UBE2L3: variants seen among roughly 807,000 people sequenced by gnomAD.
UBE2L3 encodes ubiquitin-conjugating enzyme E2 L3.
In UBE2L3, 1 loss-of-function variant was observed where a neutral mutation model predicts 17.8. The ratio of observed to expected loss-of-function variants is 0.06; its 90% CI spans 0.02 to 0.27. The LOEUF (loss-of-function observed/expected upper bound fraction) is 0.27, where lower values mean the gene tolerates loss of function less well. UBE2L3 is among the 10% of genes least tolerant of loss of function. UBE2L3 has a pLI of 1.00. For synonymous variants in UBE2L3, 44 were observed against 68.5 expected (o/e 0.64, Z 1.76); for missense variants, 40 against 192.6 (o/e 0.21, Z 4.69).
chr22:21,606,756 G>T (rs1189690107), intron 2 of UBE2L3, among the ~76,000 whole-genome samples: 2 of 152,126 alleles, frequency 1.3e-5, no homozygotes, highest in Non-Finnish European at 2.9e-5. Flanking sequence ...GGCTGAGGTG[G>T]GAGGATTGCT....
intron 1 of UBE2L3, among the ~76,000 whole-genome samples, chr22:21,575,054 C>T (rs1376082646): frequency 4.6e-5 from 7 of 150,558 alleles, no homozygotes; most frequent in Admixed American, 6.6e-5. Flanking sequence ...GTCAGGAGTT[C>T]GAGACCAGCC....
At chr22:21,596,116 A>G (rs4821104) in intron 2 of UBE2L3, among the ~76,000 whole-genome samples, 29,346 of 152,056 alleles carry the variant, frequency 0.19, 3,541 homozygotes, top group East Asian at 0.42. Context: ...CACCCTCCTC[A>G]GTCTCCCAAA....
chr22:21,567,960 G>A, intron 1 of UBE2L3, 189 bp downstream of exon 1: 4 of 1,380,678 alleles, frequency 2.9e-6, no homozygotes, highest in Non-Finnish European at 3.7e-6. Context: ...CTGGGCGGGA[G>A]CGCAAGGCCG....
chr22:21,589,474 C>G (rs1385439120), intron 1 of UBE2L3, among the ~76,000 whole-genome samples: 1 of 152,202 alleles, frequency 6.6e-6, no homozygotes, highest in Non-Finnish European at 1.5e-5. Flanking sequence ...TAAATAGTTT[C>G]TGTCCACAGG....
intron 3 of UBE2L3, among the ~76,000 whole-genome samples, chr22:21,615,154 T>TCAAAA (rs1007992730): frequency 2.0e-5 from 3 of 151,104 alleles, no homozygotes; most frequent in Non-Finnish European, 3.0e-5. Context: ...AAACTCCGTC[T>TCAAAA]CAAAACAAAA....
At chr22:21,561,472 C>T (rs1382912509) in intron 1 of UBE2L3, among the ~76,000 whole-genome samples, 10 of 152,402 alleles carry the variant, frequency 6.6e-5, no homozygotes, top group Middle Eastern at 3.4e-3. Flanking sequence ...GTTCTAGCTG[C>T]TTGAGAGTCT....
intron 1 of UBE2L3, among the ~76,000 whole-genome samples, chr22:21,580,078 A>G (rs961601975): frequency 7.9e-5 from 12 of 152,222 alleles, no homozygotes; most frequent in South Asian, 4.1e-4. Flanking sequence ...ATATTGGTCA[A>G]TACTATTCCA....
upstream of UBE2L3, among the ~76,000 whole-genome samples, chr22:21,562,721 G>T (rs1926488817): frequency 3.0e-5 from 4 of 135,544 alleles, no homozygotes; most frequent in African/African-American, 1.1e-4. Context: ...CTTTCCCCGT[G>T]TTCTCAATCT....
chr22:21,601,861 A>G (rs543746170), intron 2 of UBE2L3, among the ~76,000 whole-genome samples: 5 of 150,806 alleles, frequency 3.3e-5, no homozygotes, highest in African/African-American at 9.7e-5. Flanking sequence ...AGTCCCAGCT[A>G]CTCTGGAGGT....
chr22:21,560,613 G>A (rs1469534154), intron 1 of UBE2L3, among the ~76,000 whole-genome samples: 1 of 150,566 alleles, frequency 6.6e-6, no homozygotes, highest in East Asian at 1.9e-4. Flanking sequence ...ACCACGCCTG[G>A]CTAGTTTTTG....
At chr22:21,558,656 A>ATTTT (rs131646) in intron 1 of UBE2L3, among the ~76,000 whole-genome samples, 1 of 146,548 alleles carries the variant, frequency 6.8e-6, no homozygotes, top group East Asian at 2.1e-4. Flanking sequence ...AAAACACTTA[A>ATTTT]TTTTTTTTTT....
At chr22:21,555,452 G>A (rs1170025484) in intron 1 of UBE2L3, 18 of 152,638 alleles carry the variant, frequency 1.2e-4, no homozygotes, top group African/African-American at 3.9e-4. Context: ...GTGAAAACCC[G>A]TCTCTACTAA....
At chr22:21,589,349 A>G (rs896851053) in intron 1 of UBE2L3, among the ~76,000 whole-genome samples, 2 of 149,998 alleles carry the variant, frequency 1.3e-5, no homozygotes, top group South Asian at 4.2e-4. Flanking sequence ...GGGTTTCACC[A>G]TGTTAGCCAG....
chr22:21,577,993 G>C (rs774210077), intron 1 of UBE2L3, among the ~76,000 whole-genome samples: 3 of 152,108 alleles, frequency 2.0e-5, no homozygotes, highest in Non-Finnish European at 4.4e-5. Flanking sequence ...GTAACTCAGA[G>C]GTTGAATAGC....
chr22:21,621,806 A>C lies in UBE2L3; in HGVS notation c.*137A>C. 1 of 645,108 alleles carries C rather than the reference A, an allele frequency of 1.6e-6. No individual in the cohort carries two copies. The highest frequency in any genetic ancestry group is 2.6e-6 in the Non-Finnish European group (1 of 383,202). The allele number at this position is 645,108 out of a possible 1,614,324, so 40.0% of individuals were successfully genotyped here. On this transcript the variant is annotated 3_prime_UTR_variant, in exon 4 of 4. Coordinates refer to ENST00000342192, the MANE Select transcript of UBE2L3 (RefSeq NM_003347.4). ...CGCTTGTGGCAGTTACTAACTTTCT[A>C]CAGTTTTCTTAATCAAAAGTGGTCT...
chr22:21,563,501 G>A (rs1226535316), upstream of UBE2L3, among the ~76,000 whole-genome samples: 1 of 147,520 alleles, frequency 6.8e-6, no homozygotes, highest in Admixed American at 6.7e-5. Context: ...GGCGGAGGTT[G>A]CAGTGAGCCG....
chr22:21,617,263 T>C (rs929415374), intron 3 of UBE2L3, among the ~76,000 whole-genome samples: 1 of 151,894 alleles, frequency 6.6e-6, no homozygotes, highest in Non-Finnish European at 1.5e-5. Context: ...TGTGGGTTTT[T>C]TGTTTTTTGT....
intron 1 of UBE2L3, among the ~76,000 whole-genome samples, chr22:21,584,303 G>A (rs539419628): frequency 6.6e-6 from 1 of 150,454 alleles, no homozygotes; most frequent in East Asian, 2.0e-4. Context: ...TTAGCCTCCC[G>A]AGTAGCTGGG....
intron 2 of UBE2L3, among the ~76,000 whole-genome samples, chr22:21,603,448 T>C (rs538592945): frequency 6.7e-6 from 1 of 148,650 alleles, no homozygotes. Context: ...GAGAATCGCT[T>C]GAACTCAGGA....
Sources: gnomAD v4.1 joint callset for allele counts (sites outside exome capture counted in the v4.1 genomes callset) on GRCh38, gnomAD v4.1.1 for gene constraint, MANE v1.5 for transcripts, NCBI Gene and HGNC (gene_info 2026-07-23, HGNC 2026-07-21) for gene names.